The following INPP5A variants were observed in gnomAD, a reference collection of about 807,000 sequenced individuals.
INPP5A encodes the protein 43 kDa inositol polyphosphate 5-phophatase.
INPP5A carries 14 observed loss-of-function variants against 65.2 expected under a neutral mutation model. The observed-to-expected ratio is 0.21, with a 90% CI of 0.14 to 0.34. The LOEUF is 0.34. Among genes scored for constraint, INPP5A ranks in the 10% least tolerant of loss-of-function variants. The probability of loss-of-function intolerance (pLI) is 1.00; values close to 1 mark genes in which losing one functional copy is unlikely to be tolerated. For synonymous variants in INPP5A, 207 were observed against 208.3 expected, an observed-to-expected ratio of 0.99 and a Z score of 0.05; for missense variants, 431 against 545.6, an observed-to-expected ratio of 0.79 and a Z score of 2.09.
chr10:132,641,852 G>A (rs2072430652), intron 2 of INPP5A, among the ~76,000 whole-genome samples: 1 of 152,248 alleles, frequency 6.6e-6, no homozygotes, highest in Admixed American at 6.5e-5. Flanking sequence ...ACCTGTTGCA[G>A]ATGTGTGGGA....
intron 12 of INPP5A, among the ~76,000 whole-genome samples, chr10:132,776,049 C>G (rs1039553185): frequency 3.9e-5 from 6 of 151,942 alleles, no homozygotes; most frequent in African/African-American, 2.4e-5. Context: ...AGGCCCCTGC[C>G]TGCATCCAGT....
At chr10:132,687,658 G>A (rs1845159550) in intron 4 of INPP5A, among the ~76,000 whole-genome samples, 1 of 152,238 alleles carries the variant, frequency 6.6e-6, no homozygotes, top group African/African-American at 2.4e-5. Context: ...TGGCCAGGAT[G>A]CAGGGCTGGG....
intron 8 of INPP5A, among the ~76,000 whole-genome samples, chr10:132,724,686 A>G (rs546813757): frequency 2.2e-4 from 33 of 151,386 alleles, no homozygotes; most frequent in Non-Finnish European, 4.3e-4. Flanking sequence ...ACAGGAGCAC[A>G]CGCCATATTC....
At chr10:132,569,461 A>G (rs1483038405) in intron 1 of INPP5A, among the ~76,000 whole-genome samples, 3 of 151,994 alleles carry the variant, frequency 2.0e-5, no homozygotes, top group Admixed American at 2.0e-4. Context: ...GGCTCAAGGG[A>G]TCCTCCCAAC....
At chr10:132,724,947 G>A (rs898689185) in intron 8 of INPP5A, among the ~76,000 whole-genome samples, 2 of 151,500 alleles carry the variant, frequency 1.3e-5, no homozygotes, top group Admixed American at 1.3e-4. Flanking sequence ...AGAACTCACG[G>A]GGAGACCCCA....
chr10:132,761,226 T>C (rs1298418839), intron 11 of INPP5A, among the ~76,000 whole-genome samples: 3 of 152,230 alleles, frequency 2.0e-5, no homozygotes, highest in African/African-American at 7.2e-5. Context: ...CTCCAGCTTT[T>C]CAAGTTTTAC....
At position 132,547,022 on chromosome 10, in the gene INPP5A, G is replaced by C. The variant is rs1267837460; in HGVS notation, c.75+8851G>C. On this transcript the variant is annotated intron_variant, in intron 1 of 15. Coordinates refer to ENST00000368594, the MANE Select transcript of INPP5A (RefSeq NM_005539.5). The surrounding 1 kb of genome is among the most constrained non-coding windows in gnomAD (Gnocchi z 5.5). ...TCCCGCATGACTGGTCCTCATTCCA[G>C]GAACCAGAGGAGATTGAAGAACCCG... Among the ~76,000 whole-genome samples, 1 of 152,232 alleles carries C rather than the reference G, an allele frequency of 6.6e-6. No homozygotes were observed. Among genetic ancestry groups the C allele is most frequent in the African/African-American group, 2.4e-5 (1 of 41,472 alleles).
chr10:132,726,728 G>A, intron 8 of INPP5A, 93 bp from the exon 9 acceptor site: 1 of 849,090 alleles, frequency 1.2e-6, no homozygotes, highest in East Asian at 2.5e-5. Context: ...AACAGAGAGT[G>A]TGCGGATGGG....
intron 5 of INPP5A, among the ~76,000 whole-genome samples, chr10:132,696,334 G>A (rs1484207795): frequency 6.6e-6 from 1 of 152,152 alleles, no homozygotes; most frequent in Non-Finnish European, 1.5e-5. Flanking sequence ...TAAAGGTTAT[G>A]TGGAAAGCAA....
In INPP5A at chr10:132,651,247, C is replaced by G. The variant is rs1054341311; in HGVS notation, c.306+742C>G. Reference sequence around the variant, plus strand: ...GGTCCCCCGGCCTGGATCCATCTCCCCCGTCTCTGGGGAGGCCCTGGGTCC... The same window carrying G: ...GGTCCCCCGGCCTGGATCCATCTCCGCCGTCTCTGGGGAGGCCCTGGGTCC... On this transcript the variant is annotated intron_variant, in intron 4 of 15. Transcript: ENST00000368594. The surrounding 1 kb of genome is among the most constrained non-coding windows in gnomAD (Gnocchi z 5.0). Among the ~76,000 whole-genome samples, 1 of 151,824 alleles carries G rather than the reference C, an allele frequency of 6.6e-6. No individual in the cohort carries two copies. The highest frequency in any genetic ancestry group is 2.4e-5 in the African/African-American group (1 of 41,334).
At chr10:132,554,532 G>A (rs981993028) in intron 1 of INPP5A, among the ~76,000 whole-genome samples, 7 of 152,188 alleles carry the variant, frequency 4.6e-5, no homozygotes, top group Non-Finnish European at 8.8e-5. Flanking sequence ...GGTTGGTGCG[G>A]TTGATGTGGG....
chr10:132,673,017 G>A (rs865795753), intron 4 of INPP5A, among the ~76,000 whole-genome samples: 1 of 152,308 alleles, frequency 6.6e-6, no homozygotes, highest in Admixed American at 6.5e-5. Context: ...ACAAGGCATG[G>A]TAATACTATG....
Position 132,663,298 on chromosome 10 carries a change from T to G in INPP5A, c.306+12793T>G, listed in dbSNP as rs2072760306. ...GTGCAGTAGTGCAATCGTGGCTTAC[T>G]GCAGCCTTGAACTCCTGAGCTCAAG... On this transcript the variant is annotated intron_variant, in intron 4 of 15. Coordinates refer to ENST00000368594, the MANE Select transcript of INPP5A (RefSeq NM_005539.5). The surrounding 1 kb of genome is among the most constrained non-coding windows in gnomAD (Gnocchi z 4.5). Among the ~76,000 whole-genome samples, 1 of 152,208 alleles carries G rather than the reference T, an allele frequency of 6.6e-6. No homozygotes were observed. Among genetic ancestry groups the G allele is most frequent in the Non-Finnish European group, 1.5e-5 (1 of 68,018 alleles).
intron 1 of INPP5A, among the ~76,000 whole-genome samples, chr10:132,577,964 G>A (rs1056427888): frequency 1.3e-5 from 2 of 152,246 alleles, no homozygotes; most frequent in Admixed American, 6.5e-5. Context: ...CTGGACAGCC[G>A]TGACACTGGT....
intron 9 of INPP5A, among the ~76,000 whole-genome samples, chr10:132,739,503 C>T (rs765415895): frequency 2.2e-4 from 34 of 152,232 alleles, no homozygotes; most frequent in Non-Finnish European, 4.1e-4. Flanking sequence ...CAGCTGTTGC[C>T]CTGTGGGCCT....
chr10:132,608,064 G>T (rs1009212580), intron 2 of INPP5A, 108 bp downstream of exon 2: 2 of 1,006,876 alleles, frequency 2.0e-6, no homozygotes, highest in Non-Finnish European at 3.1e-6. Flanking sequence ...GGGAGCGCAG[G>T]CCTGGGCTGT....
intron 2 of INPP5A, among the ~76,000 whole-genome samples, chr10:132,615,661 C>T (rs889161153): frequency 3.3e-5 from 5 of 152,170 alleles, no homozygotes; most frequent in African/African-American, 1.2e-4. Flanking sequence ...TTGAGGGCCC[C>T]GTCTTTGGGG....
chr10:132,684,265 G>T (rs978947412), intron 4 of INPP5A, among the ~76,000 whole-genome samples: 1 of 152,174 alleles, frequency 6.6e-6, no homozygotes, highest in African/African-American at 2.4e-5. Flanking sequence ...GTCATTTTCA[G>T]TTGGTGTTTT....
chr10:132,606,901 G>A (rs2071862321), intron 1 of INPP5A, among the ~76,000 whole-genome samples: 1 of 152,218 alleles, frequency 6.6e-6, no homozygotes, highest in African/African-American at 2.4e-5. Context: ...GTTCCTTAGT[G>A]CTAAGTACAT....
Sources: gnomAD v4.1 joint callset for allele counts (sites outside exome capture counted in the v4.1 genomes callset) on GRCh38, gnomAD v4.1.1 for gene constraint, Gnocchi (gnomAD v3.1) non-coding constraint, MANE v1.5 for transcripts, NCBI Gene and HGNC (gene_info 2026-07-23, HGNC 2026-07-21) for gene names.